Variants in RAP1GAP2 observed in about 807,000 individuals in gnomAD.
The protein encoded by RAP1GAP2 is rap1 GTPase-activating protein 2.
RAP1GAP2 carries 27 observed loss-of-function variants against 95.0 expected under a neutral mutation model. That is an observed-to-expected ratio of 0.28 (90% CI 0.21 to 0.39). RAP1GAP2 has a LOEUF of 0.39. Among genes scored for constraint, RAP1GAP2 ranks in the 10% least tolerant of loss-of-function variants. The pLI is 1.00. For synonymous variants in RAP1GAP2, 373 were observed against 380.9 expected (o/e 0.98, Z 0.24); for missense variants, 771 against 970.0 (o/e 0.79, Z 2.72).
chr17:2,766,387 T>G (rs1408622858), intron 1 of RAP1GAP2, among the ~76,000 whole-genome samples: 1 of 152,014 alleles, frequency 6.6e-6, no homozygotes, highest in African/African-American at 2.4e-5. Flanking sequence ...GCCTGTAATC[T>G]CAGCACTTTG....
chr17:2,881,861 C>G (rs193203325), intron 2 of RAP1GAP2, among the ~76,000 whole-genome samples: 1 of 152,108 alleles, frequency 6.6e-6, no homozygotes, highest in African/African-American at 2.4e-5. Context: ...CGCTATGTCG[C>G]CCAAGCTGGA....
intron 2 of RAP1GAP2, among the ~76,000 whole-genome samples, chr17:2,859,759 A>T (rs2072297527): frequency 6.6e-6 from 1 of 152,000 alleles, no homozygotes; most frequent in South Asian, 2.1e-4. Flanking sequence ...TTTTCTTACA[A>T]TTTATTTATT....
In RAP1GAP2 at chr17:2,878,932, G is replaced by A. The variant is rs1010500983; in HGVS notation, c.81-26352G>A. Among the ~76,000 whole-genome samples, 4 of 152,294 alleles carry A rather than the reference G, an allele frequency of 2.6e-5. No homozygotes were observed. The South Asian group carries it at 6.2e-4, about 24-fold the overall frequency. ...AATAATAGTGCCCTCTTCCCGTGAC[G>A]GTTGTGACGATCAGTGAGATGGGGT... On this transcript the variant is annotated intron_variant, in intron 2 of 24. Coordinates refer to ENST00000254695, the MANE Select transcript of RAP1GAP2 (RefSeq NM_015085.5).
intron 2 of RAP1GAP2, among the ~76,000 whole-genome samples, chr17:2,869,723 G>A (rs1389937734): frequency 2.0e-5 from 3 of 152,214 alleles, no homozygotes; most frequent in Non-Finnish European, 2.9e-5. Context: ...GTCAGGTCCC[G>A]GGAGCAGGTG....
At chr17:2,806,070 C>G (rs139116607) in intron 2 of RAP1GAP2, among the ~76,000 whole-genome samples, 33 of 152,344 alleles carry the variant, frequency 2.2e-4, no homozygotes, top group African/African-American at 7.9e-4. Flanking sequence ...TCTGTGATTT[C>G]TTCCCTAGGA....
At chr17:2,799,449 G>A (rs895190686) in intron 1 of RAP1GAP2, among the ~76,000 whole-genome samples, 2 of 152,212 alleles carry the variant, frequency 1.3e-5, no homozygotes, top group African/African-American at 4.8e-5. Context: ...GTGACTTGTG[G>A]GCTGGCTCAG....
chr17:2,935,728 G>A (rs2043287218), intron 3 of RAP1GAP2, among the ~76,000 whole-genome samples: 1 of 152,184 alleles, frequency 6.6e-6, no homozygotes. Flanking sequence ...GCCGGAGGAT[G>A]GGGATCATTA....
intron 2 of RAP1GAP2, among the ~76,000 whole-genome samples, chr17:2,894,683 C>T (rs569409201): frequency 1.3e-5 from 2 of 152,274 alleles, no homozygotes; most frequent in South Asian, 4.1e-4. Context: ...CTGAAGCGTC[C>T]GTCATTCTGT....
intron 2 of RAP1GAP2, among the ~76,000 whole-genome samples, chr17:2,831,688 T>A (rs1208875550): frequency 1.3e-5 from 2 of 151,904 alleles, no homozygotes; most frequent in African/African-American, 4.8e-5. Flanking sequence ...CCCAGGAGTT[T>A]GAGACCAGCC....
intron 2 of RAP1GAP2, among the ~76,000 whole-genome samples, chr17:2,803,832 T>C (rs1038982941): frequency 6.6e-6 from 1 of 152,084 alleles, no homozygotes; most frequent in South Asian, 2.1e-4. Context: ...TGAGCTGAGA[T>C]CACACCATTA....
chr17:2,853,605 G>A (rs1183476527), intron 2 of RAP1GAP2, among the ~76,000 whole-genome samples: 3 of 149,828 alleles, frequency 2.0e-5, no homozygotes, highest in East Asian at 4.0e-4. Context: ...CGCTTCGCCC[G>A]CTCCCTGTGC....
At position 3,018,055 on chromosome 17, in the gene RAP1GAP2, C is replaced by T. The variant is rs2046835103; in HGVS notation, c.1495-6C>T. The stretch of plus-strand genomic sequence containing the variant: ...TGATTCTCAGGCCCTTGTTCTCTCC[C>T]CGTAGAGGGCCATCCGCGTACGCAG... On this transcript the variant is annotated splice_region_variant and splice_polypyrimidine_tract_variant and intron_variant, in intron 17 of 24. Coordinates refer to ENST00000254695, the MANE Select transcript of RAP1GAP2 (RefSeq NM_015085.5). The T allele has an allele frequency of 6.3e-7, 1 of 1,577,134 alleles. No individual in the cohort carries two copies. The highest frequency in any genetic ancestry group is 1.4e-5 in the African/African-American group (1 of 73,856).
chr17:2,794,840 C>T (rs1486786631), upstream of RAP1GAP2, among the ~76,000 whole-genome samples: 1 of 150,188 alleles, frequency 6.7e-6, no homozygotes, highest in African/African-American at 2.4e-5. Context: ...GAGAGAGAGG[C>T]CAATGGCACC....
intron 14 of RAP1GAP2, among the ~76,000 whole-genome samples, chr17:2,998,881 G>T (rs1032574760): frequency 2.0e-5 from 3 of 152,180 alleles, no homozygotes; most frequent in Non-Finnish European, 4.4e-5. Flanking sequence ...TAAAGAAAGA[G>T]CGTGGAAAGG....
At chr17:2,863,636 G>A (rs1435853184) in intron 2 of RAP1GAP2, among the ~76,000 whole-genome samples, 2 of 152,184 alleles carry the variant, frequency 1.3e-5, no homozygotes, top group Non-Finnish European at 2.9e-5. Context: ...CAGGATCAGG[G>A]CACTGTGATG....
intron 21 of RAP1GAP2, 76 bp downstream of exon 21, chr17:3,026,540 C>T: frequency 1.7e-6 from 2 of 1,182,800 alleles, no homozygotes; most frequent in South Asian, 3.1e-5. Flanking sequence ...TAAAACGGCA[C>T]TGTGGATCGA....
intron 1 of RAP1GAP2, among the ~76,000 whole-genome samples, chr17:2,762,198 A>G (rs901624644): frequency 2.0e-5 from 3 of 151,348 alleles, no homozygotes; most frequent in South Asian, 2.1e-4. Context: ...CGTGTTAGCC[A>G]GGATGATCTC....
intron 8 of RAP1GAP2, among the ~76,000 whole-genome samples, chr17:2,971,065 C>CG (rs1177658436): frequency 2.6e-5 from 4 of 152,144 alleles, no homozygotes; most frequent in African/African-American, 9.7e-5. Flanking sequence ...ATCAATCCAT[C>CG]AATCAGTCGA....
intron 1 of RAP1GAP2, among the ~76,000 whole-genome samples, chr17:2,791,111 A>G (rs1256057787): frequency 6.6e-6 from 1 of 152,248 alleles, no homozygotes; most frequent in Non-Finnish European, 1.5e-5. Flanking sequence ...AGGCAGAGGC[A>G]GGAGAATCAC....
Sources: gnomAD v4.1 joint callset for allele counts (sites outside exome capture counted in the v4.1 genomes callset) on GRCh38, gnomAD v4.1.1 for gene constraint, MANE v1.5 for transcripts, NCBI Gene and HGNC (gene_info 2026-07-23, HGNC 2026-07-21) for gene names.